Variants in OSMR observed in about 807,000 individuals in gnomAD.
OSMR encodes oncostatin-M-specific receptor subunit beta.
A neutral mutation model predicts 99.9 loss-of-function variants in OSMR; 81 were observed. The observed-to-expected ratio is 0.81, with a 90% CI of 0.68 to 0.97. The LOEUF (loss-of-function observed/expected upper bound fraction) is 0.97. Among genes scored for constraint, OSMR ranks in the 50% least tolerant of loss-of-function variants. The probability of loss-of-function intolerance (pLI) is 0.00; values close to 1 mark genes in which losing one functional copy is unlikely to be tolerated. For missense variants in OSMR, 1,099 were observed against 1,153.4 expected, an observed-to-expected ratio of 0.95 and a Z score of 0.68; for synonymous variants, 406 against 410.4, an observed-to-expected ratio of 0.99 and a Z score of 0.13.
At chr5:38,944,998 A>T (rs1342077043) in exon 3 of OSMR, 1 of 1,612,978 alleles carries the variant, frequency 6.2e-7, no homozygotes, top group Admixed American at 1.7e-5. Flanking sequence ...CCGAAAACTT[A>T]GAGGGAACCA....
chr5:38,898,950 CT>C (rs58159819), intron 7 of OSMR, among the ~76,000 whole-genome samples: 8,599 of 77,814 alleles, frequency 0.11, 69 homozygotes, highest in African/African-American at 0.15. Context: ...TACATAATAT[CT>C]TTTTTTTTTT....
rs556511466 is a variant in OSMR, at chr5:38,862,573, G to A, written c.-13-6459G>A. Among the ~76,000 whole-genome samples the A allele has an allele frequency of 1.3e-3, 193 of 151,436 alleles. 1 individual carries two copies. The highest frequency in any genetic ancestry group is 1.3e-3 in the Non-Finnish European group (88 of 67,800). ...TCCTCACTTCTCAGACGGGGCGGCCGGGCAGAGATGCTCCTCACCTCCCAG... is the reference window on the plus strand; with the variant it reads ...TCCTCACTTCTCAGACGGGGCGGCCAGGCAGAGATGCTCCTCACCTCCCAG... On this transcript the variant is annotated intron_variant, in intron 1 of 17. Transcript: ENST00000274276.
intron 9 of OSMR, among the ~76,000 whole-genome samples, chr5:38,912,907 C>T (rs963407656): frequency 2.0e-5 from 3 of 152,014 alleles, no homozygotes; most frequent in African/African-American, 7.2e-5. Flanking sequence ...GTACCTTTCA[C>T]CATGTAGAAA....
intron 10 of OSMR, among the ~76,000 whole-genome samples, chr5:38,918,516 T>C (rs1746052460): frequency 1.3e-5 from 2 of 152,160 alleles, no homozygotes; most frequent in Non-Finnish European, 2.9e-5. Context: ...ATTGCTTTTC[T>C]GCCCTTGACT....
chr5:38,926,424 C>T (rs1355956228), intron 15 of OSMR, among the ~76,000 whole-genome samples: 1 of 152,204 alleles, frequency 6.6e-6, no homozygotes. Context: ...ACTCACAGTT[C>T]CACATGGCTG....
chr5:38,943,156 G>GA, intron 1 of OSMR: 1 of 364,622 alleles, frequency 2.7e-6, no homozygotes, highest in South Asian at 6.4e-5. Flanking sequence ...TTCTGAGTTT[G>GA]GGTTTTTTTT....
At chr5:38,862,410 G>A (rs1182520433) in intron 1 of OSMR, among the ~76,000 whole-genome samples, 1 of 562 alleles carries the variant, frequency 1.8e-3, no homozygotes, top group African/African-American at 6.6e-3. Flanking sequence ...GCGGCTGGCC[G>A]GGCGGGGGCT....
chr5:38,945,516 T>G, downstream of OSMR: 1 of 1,613,566 alleles, frequency 6.2e-7, no homozygotes, highest in Non-Finnish European at 8.5e-7. Flanking sequence ...TTGCACTCAG[T>G]TGGTTGCTGG....
chr5:38,912,970 A>G (rs1397316355), intron 9 of OSMR, among the ~76,000 whole-genome samples: 1 of 152,216 alleles, frequency 6.6e-6, no homozygotes, highest in Non-Finnish European at 1.5e-5. Context: ...AAACTATAGG[A>G]ATCCTAGAAG....
chr5:38,935,636 T>C lies in OSMR; in HGVS notation c.*2192T>C, dbSNP rs994701745. ...AATAAACCTTAATTAAAATATTTCA[T>C]CATCACATTGTGTTTTATCTCCCTC... On this transcript the variant is annotated 3_prime_UTR_variant, in exon 18 of 18. Coordinates refer to ENST00000274276, the MANE Select transcript of OSMR (RefSeq NM_003999.3). 6.6e-6 allele frequency: 1 copy of C among 152,222 alleles called. No homozygotes were observed. Among genetic ancestry groups the C allele is most frequent in the Admixed American group, 6.5e-5 (1 of 15,288 alleles). 9.4% of individuals were successfully genotyped at this position (152,222 alleles called of 1,614,324 possible). A position where few individuals can be genotyped will look rare whatever the true frequency, so the allele number is the denominator to read the frequency against.
chr5:38,865,135 A>T (rs1741840569), intron 1 of OSMR, among the ~76,000 whole-genome samples: 1 of 152,228 alleles, frequency 6.6e-6, no homozygotes, highest in Non-Finnish European at 1.5e-5. Context: ...TCATTCAGAT[A>T]TGAATTGTCC....
chr5:38,922,648 C>G (rs539876873), intron 12 of OSMR, among the ~76,000 whole-genome samples: 20 of 152,278 alleles, frequency 1.3e-4, no homozygotes, highest in African/African-American at 4.6e-4. Context: ...GGAGACAAGA[C>G]AGTGGGGCCA....
Position 38,931,892 on chromosome 5 carries a change from T to C in OSMR, c.2222T>C (p.Leu741Pro). Reference sequence around the variant, plus strand: ...CTTTTTCCTCGTTCAGCCTCGATGCTGATTCATATCCTACTGCCCATGGTT... The same window carrying C: ...CTTTTTCCTCGTTCAGCCTCGATGCCGATTCATATCCTACTGCCCATGGTT... ...VTTPDEHSSM[L>P]IHILLPMVFC... The change falls in exon 16 of 18, where the codon CTG (leucine) becomes CCG (proline). Residue 741 changes from leucine to proline, a missense_variant. By Grantham distance (98) the Leu-to-Pro change is moderately conservative. Coordinates refer to ENST00000274276, the MANE Select transcript of OSMR (RefSeq NM_003999.3). The C allele has an allele frequency of 6.2e-7, 1 of 1,613,548 alleles. No individual in the cohort carries two copies. Among genetic ancestry groups the C allele is most frequent in the Non-Finnish European group, 8.5e-7 (1 of 1,179,462 alleles).
chr5:38,882,395 T>G (rs1006101482), intron 4 of OSMR, among the ~76,000 whole-genome samples: 1 of 152,140 alleles, frequency 6.6e-6, no homozygotes. Flanking sequence ...GGAAACATGG[T>G]GAAATCCTGT....
chr5:38,939,695 T>C (rs1317304771), downstream of OSMR: 3 of 230,632 alleles, frequency 1.3e-5, no homozygotes, highest in East Asian at 1.9e-4. Flanking sequence ...TATTCAATAA[T>C]TACCAATAGT....
chr5:38,861,436 G>C lies in OSMR; in HGVS notation c.-13-7596G>C, dbSNP rs1002888723. ...CATGTTTCAGAGAGCACAGGGTTGG[G>C]GGTAAGGTCACCGATCAACAGGATC... On this transcript the variant is annotated intron_variant, in intron 1 of 17. Transcript: ENST00000274276. Among the ~76,000 whole-genome samples, 6 of 152,246 alleles carry C rather than the reference G, an allele frequency of 3.9e-5. No individual in the cohort carries two copies. In the South Asian group the frequency reaches 1.2e-3, roughly 32 times the overall value.
At chr5:38,850,463 A>G (rs1740268278) in intron 1 of OSMR, among the ~76,000 whole-genome samples, 1 of 152,196 alleles carries the variant, frequency 6.6e-6, no homozygotes, top group Non-Finnish European at 1.5e-5. Flanking sequence ...TAAATAGAAT[A>G]CCTAGCTCTG....
At chr5:38,852,824 G>A (rs996877741) in intron 1 of OSMR, among the ~76,000 whole-genome samples, 2 of 135,966 alleles carry the variant, frequency 1.5e-5, no homozygotes, top group African/African-American at 5.5e-5. Context: ...TCCGCCTCTT[G>A]GGTTCATGCC....
At chr5:38,884,717 A>T (rs777102207) in intron 5 of OSMR, among the ~76,000 whole-genome samples, 2 of 152,194 alleles carry the variant, frequency 1.3e-5, no homozygotes, top group African/African-American at 4.8e-5. Context: ...CATCGGATAC[A>T]TTAGTGGAGT....
Sources: gnomAD v4.1 joint callset for allele counts (sites outside exome capture counted in the v4.1 genomes callset) on GRCh38, gnomAD v4.1.1 for gene constraint, MANE v1.5 for transcripts, NCBI Gene and HGNC (gene_info 2026-07-23, HGNC 2026-07-21) for gene names.